Variants in LRRC49 observed in about 807,000 individuals in gnomAD.
LRRC49 encodes leucine-rich repeat-containing protein 49.
LRRC49 carries 50 observed loss-of-function variants against 83.3 expected under a neutral mutation model. The ratio of observed to expected loss-of-function variants is 0.60; its 90% CI spans 0.48 to 0.76. The LOEUF is 0.76. Among genes scored for constraint, LRRC49 ranks in the 30% least tolerant of loss-of-function variants. The pLI, the probability that LRRC49 is intolerant of heterozygous loss-of-function variation, is 0.00. For synonymous variants in LRRC49, 286 were observed against 283.3 expected (o/e 1.01, Z -0.10); for missense variants, 704 against 809.1 (o/e 0.87, Z 1.58).
At position 70,987,762 on chromosome 15, in the gene LRRC49, T is replaced by G. The variant is rs532549423; in HGVS notation, c.1169+3505T>G. 1.6e-3 allele frequency among the ~76,000 whole-genome samples: 241 copies of G among 152,314 alleles called. 1 individual carries two copies. Among genetic ancestry groups the G allele is most frequent in the African/African-American group, 5.6e-3 (231 of 41,568 alleles). On this transcript the variant is annotated intron_variant, in intron 11 of 15. Transcript: ENST00000260382. ...ATTTTGGATCTTTCCTGCTTTCTCT[T>G]GTGGGCATTTAGTGCTATAAGTTTC...
chr15:71,045,542 G>A (rs1649104919), intron 15 of LRRC49, among the ~76,000 whole-genome samples: 1 of 151,998 alleles, frequency 6.6e-6, no homozygotes, highest in South Asian at 2.1e-4. Context: ...CCATTTAGAG[G>A]TAAAACTTAT....
At chr15:70,944,170 T>C (rs2035924317) in intron 8 of LRRC49, among the ~76,000 whole-genome samples, 1 of 152,144 alleles carries the variant, frequency 6.6e-6, no homozygotes, top group Middle Eastern at 3.2e-3. Context: ...TTCTTAGTCT[T>C]GAAGCTTATA....
intron 10 of LRRC49, among the ~76,000 whole-genome samples, chr15:70,982,063 G>T (rs2037421496): frequency 6.6e-6 from 1 of 151,706 alleles, no homozygotes; most frequent in African/African-American, 2.4e-5. Flanking sequence ...ACCTGGTAAT[G>T]ATCTGATTTT....
At chr15:71,008,893 T>C (rs1196545848) in intron 12 of LRRC49, among the ~76,000 whole-genome samples, 2 of 151,972 alleles carry the variant, frequency 1.3e-5, no homozygotes, top group African/African-American at 2.4e-5. Flanking sequence ...TTCTACTTTA[T>C]AAGTGATTCA....
At chr15:70,892,678 G>A, upstream of LRRC49, 1 of 1,452,088 alleles carries the variant, frequency 6.9e-7, no homozygotes, top group South Asian at 1.4e-5. Flanking sequence ...AATAGAACGA[G>A]GAAGTGGTGA....
At chr15:71,009,020 A>G (rs951631321) in intron 12 of LRRC49, among the ~76,000 whole-genome samples, 2 of 151,904 alleles carry the variant, frequency 1.3e-5, no homozygotes, top group Non-Finnish European at 2.9e-5. Flanking sequence ...TTAATAGCTC[A>G]TTAAAATTAC....
At chr15:70,884,544 A>G (rs1161887504) in intron 2 of LRRC49, among the ~76,000 whole-genome samples, 2 of 146,154 alleles carry the variant, frequency 1.4e-5, no homozygotes, top group Non-Finnish European at 3.0e-5. Context: ...ATACACACAG[A>G]AAAAAAAAAA....
chr15:70,892,557 T>C (rs2033626525), upstream of LRRC49: 1 of 1,499,834 alleles, frequency 6.7e-7, no homozygotes, highest in Non-Finnish European at 8.9e-7. Flanking sequence ...AGGTGGGCCG[T>C]AAAGAGGAAC....
intron 2 of LRRC49, among the ~76,000 whole-genome samples, chr15:70,875,037 A>G (rs917937265): frequency 6.6e-6 from 1 of 152,232 alleles, no homozygotes; most frequent in Non-Finnish European, 1.5e-5. Context: ...GAGTGGGATC[A>G]ATTTTGCCAG....
At chr15:70,878,713 C>A (rs2033202821) in intron 2 of LRRC49, among the ~76,000 whole-genome samples, 1 of 152,130 alleles carries the variant, frequency 6.6e-6, no homozygotes, top group Non-Finnish European at 1.5e-5. Context: ...ATGAAGGTGA[C>A]ATGATTTTTC....
At position 71,049,605 on chromosome 15, in the gene LRRC49, A is replaced by G; in HGVS notation, c.2054A>G (p.Gln685Arg). The stretch of plus-strand genomic sequence containing the variant: ...CTCTGCCTACAGCAGATAACAGACC[A>G]AAAATAAAAATGGCCTTTAGTTACA... ...MKLCLQQITD[Q>R]K The change falls in exon 16 of 16, where the codon CAA becomes CGA. Residue 685 changes from glutamine to arginine, a missense_variant. By Grantham distance (43) the Gln-to-Arg change is conservative. Transcript: ENST00000260382. The G allele has an allele frequency of 1.9e-6, 3 of 1,592,752 alleles. No homozygotes were observed. Among genetic ancestry groups the G allele is most frequent in the Non-Finnish European group, 2.6e-6 (3 of 1,174,170 alleles).
chr15:70,866,137 T>C (rs2032905632), intron 1 of LRRC49, among the ~76,000 whole-genome samples: 1 of 150,380 alleles, frequency 6.6e-6, no homozygotes, highest in Non-Finnish European at 1.5e-5. Context: ...TATTTATTTA[T>C]TTATTTATTT....
In LRRC49 at chr15:71,031,288, A is replaced by C. The variant is rs1164403114; in HGVS notation, c.1704-5891A>C. Among the ~76,000 whole-genome samples, 3 of 151,994 alleles carry C rather than the reference A, an allele frequency of 2.0e-5. No individual in the cohort carries two copies. In the East Asian group the frequency reaches 5.8e-4, roughly 29 times the overall value. On this transcript the variant is annotated intron_variant, in intron 14 of 15. Coordinates refer to ENST00000260382, the MANE Select transcript of LRRC49 (RefSeq NM_017691.5). ...GTCTGCTGCAGTTTGCTGGAGGTCC[A>C]CTCCAGTCCCTGTTCACCTGGGTAT...
intron 11 of LRRC49, among the ~76,000 whole-genome samples, chr15:71,000,517 T>G (rs546204043): frequency 6.6e-6 from 1 of 152,328 alleles, no homozygotes; most frequent in East Asian, 1.9e-4. Flanking sequence ...TTCCGCTTCC[T>G]AAGCCACTCC....
chr15:71,039,983 C>A (rs183443913), intron 15 of LRRC49, among the ~76,000 whole-genome samples: 4 of 152,216 alleles, frequency 2.6e-5, no homozygotes, highest in Admixed American at 2.6e-4. Flanking sequence ...AAAAGCCAAA[C>A]CATACATTTA....
At chr15:70,964,553 G>A (rs188803064) in intron 9 of LRRC49, among the ~76,000 whole-genome samples, 8 of 152,190 alleles carry the variant, frequency 5.3e-5, no homozygotes, top group Admixed American at 1.3e-4. Context: ...TCCATGTTAA[G>A]ATATTTTCTA....
upstream of LRRC49, chr15:70,892,712 A>G (rs1383927043): frequency 6.8e-7 from 1 of 1,472,786 alleles, no homozygotes; most frequent in African/African-American, 1.4e-5. Flanking sequence ...CACGAATACA[A>G]CTAGAAGCTG....
intron 1 of LRRC49, among the ~76,000 whole-genome samples, chr15:70,871,051 T>C (rs2033021519): frequency 6.6e-6 from 1 of 151,588 alleles, no homozygotes; most frequent in Non-Finnish European, 1.5e-5. Context: ...GGTCAGCAGA[T>C]AAACATGTGA....
At chr15:71,025,489 G>C (rs988086234) in intron 14 of LRRC49, among the ~76,000 whole-genome samples, 1 of 152,162 alleles carries the variant, frequency 6.6e-6, no homozygotes, top group Non-Finnish European at 1.5e-5. Context: ...CTAGCATCAT[G>C]ATGACAGGAT....
Sources: allele counts gnomAD v4.1 joint callset (sites outside exome capture counted in the v4.1 genomes callset), GRCh38; gene constraint gnomAD v4.1.1; transcripts MANE v1.5; gene names NCBI Gene and HGNC (gene_info 2026-07-23, HGNC 2026-07-21).